The following LRP1B variants were observed in gnomAD, a reference collection of about 807,000 sequenced individuals.
LRP1B encodes LDL receptor related protein 1B.
A neutral mutation model predicts 556.6 loss-of-function variants in LRP1B; 217 were observed. The observed-to-expected ratio is 0.39, with a 90% confidence interval of 0.35 to 0.44. The LOEUF (loss-of-function observed/expected upper bound fraction) is 0.44, where lower values mean the gene tolerates loss of function less well. Ranked by LOEUF, LRP1B falls within the 20% of genes least tolerant of loss-of-function variation. The pLI is 1.00. For synonymous variants in LRP1B, 2,047 were observed against 1,865.8 expected, an observed-to-expected ratio of 1.10 and a Z score of -2.50; for missense variants, 5,053 against 5,620.8, an observed-to-expected ratio of 0.90 and a Z score of 3.23.
intron 1 of LRP1B, among the ~76,000 whole-genome samples, chr2:141,825,888 C>A (rs1338220457): frequency 6.6e-6 from 1 of 152,106 alleles, no homozygotes; most frequent in Non-Finnish European, 1.5e-5. Flanking sequence ...GACATAAATG[C>A]ACATATTTTC....
intron 43 of LRP1B, among the ~76,000 whole-genome samples, chr2:140,555,062 T>C (rs1680681642): frequency 6.6e-6 from 1 of 152,028 alleles, no homozygotes; most frequent in African/African-American, 2.4e-5. Flanking sequence ...TTTTACTCTC[T>C]GGATCTCGCT....
chr2:141,519,975 T>G (rs1320710379), intron 2 of LRP1B, among the ~76,000 whole-genome samples: 1 of 152,042 alleles, frequency 6.6e-6, no homozygotes, highest in Non-Finnish European at 1.5e-5. Flanking sequence ...AAAATATAAG[T>G]GTATAATAGT....
At chr2:141,369,681 T>C (rs1353701697) in intron 3 of LRP1B, among the ~76,000 whole-genome samples, 1 of 152,202 alleles carries the variant, frequency 6.6e-6, no homozygotes, top group Non-Finnish European at 1.5e-5. Context: ...TTGTATATAT[T>C]CATGGGGTAC....
intron 3 of LRP1B, among the ~76,000 whole-genome samples, chr2:141,467,916 T>C (rs1022373200): frequency 1.3e-5 from 2 of 151,270 alleles, no homozygotes; most frequent in Admixed American, 6.6e-5. Flanking sequence ...TCCCTACACC[T>C]TTACACTCTA....
At chr2:140,774,841 T>C (rs1689435395) in intron 33 of LRP1B, among the ~76,000 whole-genome samples, 1 of 152,184 alleles carries the variant, frequency 6.6e-6, no homozygotes. Context: ...TCCTTGTTTA[T>C]TATTGTGGAC....
intron 66 of LRP1B, among the ~76,000 whole-genome samples, chr2:140,405,867 A>G (rs1243885423): frequency 6.6e-6 from 1 of 152,146 alleles, no homozygotes; most frequent in Non-Finnish European, 1.5e-5. Flanking sequence ...TCACCCTAAT[A>G]CCAAAACCAG....
chr2:141,621,414 A>T (rs1483014479), intron 2 of LRP1B, among the ~76,000 whole-genome samples: 1 of 152,216 alleles, frequency 6.6e-6, no homozygotes, highest in Non-Finnish European at 1.5e-5. Context: ...AAGTAAAGTT[A>T]GAATTAAATA....
intron 6 of LRP1B, among the ~76,000 whole-genome samples, chr2:141,194,794 G>A (rs1310547852): frequency 1.3e-5 from 2 of 151,988 alleles, no homozygotes; most frequent in African/African-American, 4.8e-5. Flanking sequence ...AAATGGTGAG[G>A]CGATTAAATC....
At chr2:141,416,606 A>G (rs1691116309) in intron 3 of LRP1B, among the ~76,000 whole-genome samples, 2 of 151,952 alleles carry the variant, frequency 1.3e-5, no homozygotes, top group African/African-American at 4.8e-5. Flanking sequence ...GACTCACACC[A>G]TTACCACCAG....
intron 18 of LRP1B, among the ~76,000 whole-genome samples, chr2:140,971,171 G>T (rs1243069425): frequency 6.6e-6 from 1 of 152,212 alleles, no homozygotes; most frequent in Non-Finnish European, 1.5e-5. Context: ...CTCAGTATGA[G>T]ATCATCCTGG....
Position 140,986,114 on chromosome 2 carries a change from T to C in LRP1B, c.2770+3418A>G, listed in dbSNP as rs577984112. ...TGTTTATTTTCTTCAATTTAGTGGT[T>C]TTTTTTTCCTTGGATGAGAGTATCT... is the stretch of plus-strand genomic sequence containing the variant. On this transcript the variant is annotated intron_variant, in intron 17 of 90. Transcript: ENST00000389484. Among the ~76,000 whole-genome samples the C allele has an allele frequency of 6.6e-4, 100 of 151,900 alleles. No individual in the cohort carries two copies. In the South Asian group the frequency reaches 0.02, roughly 31 times the overall value.
intron 2 of LRP1B, among the ~76,000 whole-genome samples, chr2:141,624,053 G>GA (rs1250538833): frequency 4.7e-4 from 32 of 68,044 alleles, no homozygotes; most frequent in Non-Finnish European, 9.1e-4. Context: ...AAAAAGAAAA[G>GA]AAAAAAAACA....
chr2:141,196,075 G>C (rs575599403), intron 6 of LRP1B, among the ~76,000 whole-genome samples: 2 of 152,166 alleles, frequency 1.3e-5, no homozygotes. Context: ...AGCAAAGATA[G>C]GCAGGGATAT....
rs369407361 is a variant in LRP1B at position 141,403,347 on chromosome 2, A to AC, written c.343+77048dup. 1.1e-3 allele frequency among the ~76,000 whole-genome samples: 162 copies of AC among 152,196 alleles called. 1 individual carries two copies. Among genetic ancestry groups the AC allele is most frequent in the African/African-American group, 3.7e-3 (154 of 41,532 alleles). On this transcript the variant is annotated intron_variant, in intron 3 of 90. Coordinates refer to ENST00000389484, the MANE Select transcript of LRP1B (RefSeq NM_018557.3). The stretch of plus-strand genomic sequence containing the variant: ...AAATATTTCAAAACTATTAAAAAAA[A>AC]CCCTGCAATTCATTTTCCTCTCTAT...
chr2:140,743,731 G>A (rs1049721422), intron 35 of LRP1B, among the ~76,000 whole-genome samples: 11 of 151,938 alleles, frequency 7.2e-5, no homozygotes, highest in African/African-American at 1.7e-4. Flanking sequence ...AGGCTGAGGC[G>A]GGTGGATCAC....
At position 141,127,082 on chromosome 2, in the gene LRP1B, T is replaced by C. The variant is rs1701233471; in HGVS notation, c.1013+61339A>G. ...TGTCCATGTGTTCTCATTGTTCAGC[T>C]CTCACTTATGAGTGAGAACACGCGG... On this transcript the variant is annotated intron_variant, in intron 7 of 90. Transcript: ENST00000389484. 2.0e-5 allele frequency among the ~76,000 whole-genome samples: 3 copies of C among 150,496 alleles called. No individual in the cohort carries two copies. In the Admixed American group the frequency reaches 2.0e-4, roughly 10 times the overall value.
At position 140,885,813 on chromosome 2, in the gene LRP1B, AAAC is replaced by A. The variant is rs761443580; in HGVS notation, c.3964+322_3964+324del. Among the ~76,000 whole-genome samples, 504 of 151,344 alleles carry A rather than the reference AAAC, an allele frequency of 3.3e-3. 1 individual carries two copies. Among genetic ancestry groups the A allele is most frequent in the Non-Finnish European group, 5.8e-3 (392 of 67,906 alleles). On this transcript the variant is annotated intron_variant, in intron 24 of 90. Coordinates refer to ENST00000389484, the MANE Select transcript of LRP1B (RefSeq NM_018557.3). ...GGTAGCAAAATTAAAAAAAAAAAAA[AAAC>A]AAGTTATTGTAACTCCTAAAAATGT...
Position 140,469,691 on chromosome 2 carries a change from G to A in LRP1B, c.9625+5447C>T, listed in dbSNP as rs75417088. Among the ~76,000 whole-genome samples the A allele has an allele frequency of 9.3e-3, 1,410 of 152,244 alleles. 31 individuals carry two copies. Among genetic ancestry groups the A allele is most frequent in the African/African-American group, 0.03 (1,259 of 41,542 alleles). ...CAGGTATGGATTCAACTTTATTTGTGTAAGTGTATACTTATGCTATAACTA... is the reference window on the plus strand; with the variant it reads ...CAGGTATGGATTCAACTTTATTTGTATAAGTGTATACTTATGCTATAACTA... On this transcript the variant is annotated intron_variant, in intron 60 of 90. Coordinates refer to ENST00000389484, the MANE Select transcript of LRP1B (RefSeq NM_018557.3).
intron 76 of LRP1B, among the ~76,000 whole-genome samples, chr2:140,352,137 G>T (rs1344334736): frequency 1.3e-5 from 2 of 151,828 alleles, no homozygotes; most frequent in Non-Finnish European, 2.9e-5. Context: ...ACCTACAATT[G>T]CCCAGAACCC....
Sources: gnomAD v4.1 joint callset for allele counts (sites outside exome capture counted in the v4.1 genomes callset) on GRCh38, gnomAD v4.1.1 for gene constraint, MANE v1.5 for transcripts, NCBI Gene and HGNC (gene_info 2026-07-23, HGNC 2026-07-21) for gene names.